PHF20: variants seen among roughly 807,000 people sequenced by gnomAD.
The protein encoded by PHF20 is glioma-expressed antigen 2.
Under a neutral mutation model 113.5 loss-of-function variants are expected in PHF20, and 23 were observed. The observed-to-expected ratio is 0.20, with a 90% CI of 0.15 to 0.29. PHF20 has a LOEUF of 0.29. Ranked by LOEUF, PHF20 falls within the 10% of genes least tolerant of loss-of-function variation. PHF20 has a pLI of 1.00. For missense variants in PHF20, 943 were observed against 1,219.6 expected (o/e 0.77, Z 3.38); for synonymous variants, 434 against 457.3 (o/e 0.95, Z 0.65).
At chr20:35,831,041 A>G in intron 2 of PHF20, among the ~76,000 whole-genome samples, 1 of 152,146 alleles carries the variant, frequency 6.6e-6, no homozygotes, top group Non-Finnish European at 1.5e-5. Flanking sequence ...CAGACATATA[A>G]AGTTGTCCCA....
chr20:35,824,972 TC>T (rs2042236745), intron 2 of PHF20, among the ~76,000 whole-genome samples: 1 of 152,214 alleles, frequency 6.6e-6, no homozygotes, highest in Non-Finnish European at 1.5e-5. Flanking sequence ...TATTTTGTTT[TC>T]CCATTCATCA....
At chr20:35,926,121 CAAAAAAAAA>C (rs527440244) in intron 13 of PHF20, among the ~76,000 whole-genome samples, 2 of 72,342 alleles carry the variant, frequency 2.8e-5, no homozygotes, top group Non-Finnish European at 5.9e-5. Flanking sequence ...GACTCCATCT[CAAAAAAAAA>C]AAAAAAAAAA....
At chr20:35,777,732 G>T (rs2041203561) in intron 1 of PHF20, among the ~76,000 whole-genome samples, 1 of 152,308 alleles carries the variant, frequency 6.6e-6, no homozygotes, top group African/African-American at 2.4e-5. Context: ...GCTGACGAGG[G>T]AGTTCAGAGT....
chr20:35,922,535 T>C (rs1600941167), intron 13 of PHF20, among the ~76,000 whole-genome samples: 1 of 152,210 alleles, frequency 6.6e-6, no homozygotes, highest in Non-Finnish European at 1.5e-5. Context: ...AGTATCAACA[T>C]TGTTCATGTA....
At chr20:35,843,411 C>T (rs1324409837) in intron 3 of PHF20, among the ~76,000 whole-genome samples, 6 of 148,922 alleles carry the variant, frequency 4.0e-5, no homozygotes, top group Admixed American at 6.8e-5. Context: ...ACCAGCTACT[C>T]GGGAGGCTGA....
chr20:35,843,675 C>G lies in PHF20; in HGVS notation c.255+931C>G, dbSNP rs1167877614. ...ATGGCTCACTGCAGCCTCAATCTCCCAGGCTCAAGCGATCTTTCCACTTCA... is the reference window on the plus strand; with the variant it reads ...ATGGCTCACTGCAGCCTCAATCTCCGAGGCTCAAGCGATCTTTCCACTTCA... On this transcript the variant is annotated intron_variant, in intron 3 of 17. Transcript: ENST00000374012. 2.0e-5 allele frequency among the ~76,000 whole-genome samples: 3 copies of G among 152,098 alleles called. No individual in the cohort carries two copies. In the East Asian group the frequency reaches 5.8e-4, roughly 30 times the overall value.
intron 1 of PHF20, among the ~76,000 whole-genome samples, chr20:35,794,628 G>A (rs1282256300): frequency 6.6e-6 from 1 of 152,180 alleles, no homozygotes; most frequent in Non-Finnish European, 1.5e-5. Flanking sequence ...GTTTCTGGTG[G>A]TTGGCATTTT....
At chr20:35,862,794 G>A (rs186430669) in intron 5 of PHF20, among the ~76,000 whole-genome samples, 16 of 152,230 alleles carry the variant, frequency 1.1e-4, no homozygotes, top group Admixed American at 9.2e-4. Flanking sequence ...GTCATAATAA[G>A]GGAGATTGCA....
chr20:35,899,800 C>T (rs1184040471), intron 10 of PHF20, 152 bp downstream of exon 10: 10 of 822,158 alleles, frequency 1.2e-5, no homozygotes, highest in Non-Finnish European at 1.7e-5. Context: ...TGGGCTGTGC[C>T]ACGGAGCTGT....
chr20:35,906,078 A>G (rs1233572657), intron 10 of PHF20, among the ~76,000 whole-genome samples: 3 of 152,204 alleles, frequency 2.0e-5, no homozygotes, highest in Non-Finnish European at 4.4e-5. Flanking sequence ...CTAGTGTCAA[A>G]GAGGGCCTCT....
intron 9 of PHF20, among the ~76,000 whole-genome samples, chr20:35,879,300 A>G (rs923926680): frequency 3.9e-5 from 6 of 152,224 alleles, no homozygotes; most frequent in African/African-American, 1.4e-4. Context: ...TAATGGTAGT[A>G]TTTATTAAAG....
At chr20:35,877,722 A>T (rs1022581684) in intron 9 of PHF20, among the ~76,000 whole-genome samples, 2 of 152,068 alleles carry the variant, frequency 1.3e-5, no homozygotes, top group African/African-American at 4.8e-5. Context: ...AAGCTGTCTC[A>T]TTGGTTGATA....
At chr20:35,915,725 T>C (rs1010776105) in intron 12 of PHF20, among the ~76,000 whole-genome samples, 1 of 152,148 alleles carries the variant, frequency 6.6e-6, no homozygotes, top group Non-Finnish European at 1.5e-5. Context: ...AAAATTAGTT[T>C]AGTTATTCCA....
chr20:35,830,477 A>C (rs1298124307), intron 2 of PHF20, among the ~76,000 whole-genome samples: 2 of 152,226 alleles, frequency 1.3e-5, no homozygotes, highest in African/African-American at 4.8e-5. Context: ...TTGTATGGAT[A>C]TACCACATTT....
intron 2 of PHF20, among the ~76,000 whole-genome samples, chr20:35,821,949 T>A (rs2042175854): frequency 6.6e-6 from 1 of 152,086 alleles, no homozygotes; most frequent in Non-Finnish European, 1.5e-5. Flanking sequence ...TGAAATGGGG[T>A]AGACTTCAGT....
At chr20:35,822,437 A>G (rs911143753) in intron 2 of PHF20, among the ~76,000 whole-genome samples, 4 of 149,920 alleles carry the variant, frequency 2.7e-5, no homozygotes, top group Non-Finnish European at 5.9e-5. Context: ...AAAAAAAAAG[A>G]AAAAAAGTAA....
intron 17 of PHF20, among the ~76,000 whole-genome samples, chr20:35,945,183 C>G (rs978307174): frequency 6.6e-6 from 1 of 152,132 alleles, no homozygotes; most frequent in Non-Finnish European, 1.5e-5. Flanking sequence ...ATGGGTAGGG[C>G]GCTTTGCTGG....
chr20:35,931,120 G>GAATAAATGAACAAAATGAGTATACT, intron 14 of PHF20, 129 bp from the exon 15 acceptor site: 1 of 660,354 alleles, frequency 1.5e-6, no homozygotes, highest in Non-Finnish European at 2.6e-6. Context: ...TACACTGGAT[G>GAATAAATGAACAAAATGAGTATACT]AATAAATGAA....
At chr20:35,852,851 T>C (rs112398803) in intron 4 of PHF20, among the ~76,000 whole-genome samples, 7,301 of 149,816 alleles carry the variant, frequency 0.049, 220 homozygotes, top group African/African-American at 0.099. Context: ...CCCGCGTCGG[T>C]CTCCCAAAGT....
Sources: allele counts gnomAD v4.1 joint callset (sites outside exome capture counted in the v4.1 genomes callset), GRCh38; gene constraint gnomAD v4.1.1; transcripts MANE v1.5; gene names NCBI Gene and HGNC (gene_info 2026-07-23, HGNC 2026-07-21).